Variants in CALN1 observed in about 807,000 individuals in gnomAD.
CALN1 encodes the protein calcium-binding protein 8.
CALN1 carries 17 observed loss-of-function variants against 30.6 expected under a neutral mutation model. The observed-to-expected ratio is 0.56, with a 90% CI of 0.38 to 0.83. CALN1 has a LOEUF of 0.83. Ranked by LOEUF, CALN1 falls within the 40% of genes least tolerant of loss-of-function variation. The pLI, the probability that CALN1 is intolerant of heterozygous loss-of-function variation, is 0.00. For synonymous variants in CALN1, 156 were observed against 131.4 expected, an observed-to-expected ratio of 1.19 and a Z score of -1.28; for missense variants, 291 against 354.9, an observed-to-expected ratio of 0.82 and a Z score of 1.45.
intron 2 of CALN1, among the ~76,000 whole-genome samples, chr7:72,392,673 C>T (rs1805651448): frequency 6.6e-6 from 1 of 152,134 alleles, no homozygotes; most frequent in African/African-American, 2.4e-5. Flanking sequence ...GGAGCAAAAT[C>T]CTCAAATTAA....
chr7:72,069,039 G>T (rs1213497085), intron 4 of CALN1, among the ~76,000 whole-genome samples: 1 of 152,236 alleles, frequency 6.6e-6, no homozygotes, highest in Non-Finnish European at 1.5e-5. Context: ...AACTGCTTTT[G>T]AGTACAATGA....
chr7:72,253,500 A>G (rs1795702681), intron 3 of CALN1, among the ~76,000 whole-genome samples: 1 of 152,362 alleles, frequency 6.6e-6, no homozygotes, highest in African/African-American at 2.4e-5. Flanking sequence ...AAAACTTACA[A>G]TCATGGCTGA....
In CALN1 at chr7:72,017,709, A is replaced by G. The variant is rs530105032; in HGVS notation, c.501+5948T>C. Among the ~76,000 whole-genome samples, 5 of 152,326 alleles carry G rather than the reference A, an allele frequency of 3.3e-5. No individual in the cohort carries two copies. In the East Asian group the frequency reaches 9.7e-4, roughly 29 times the overall value. On this transcript the variant is annotated intron_variant, in intron 5 of 6. Coordinates refer to ENST00000395275, the MANE Select transcript of CALN1 (RefSeq NM_031468.4). The stretch of plus-strand genomic sequence containing the variant: ...CCAATGAGCAGATCTATTTGCTCAC[A>G]AACTGTGAATATTTCATTTCTTAAA...
intron 5 of CALN1, among the ~76,000 whole-genome samples, chr7:71,988,056 G>A (rs1798765332): frequency 6.6e-6 from 1 of 151,880 alleles, no homozygotes; most frequent in South Asian, 2.1e-4. Flanking sequence ...TCTGCAGCAA[G>A]AGACAATGTC....
At chr7:71,910,560 T>G (rs1429257900) in intron 5 of CALN1, among the ~76,000 whole-genome samples, 2 of 152,132 alleles carry the variant, frequency 1.3e-5, no homozygotes, top group African/African-American at 4.8e-5. Context: ...TCAAATCCAC[T>G]GAAGCCATGT....
chr7:72,082,406 C>T (rs957843979), intron 4 of CALN1, among the ~76,000 whole-genome samples: 8 of 152,120 alleles, frequency 5.3e-5, no homozygotes, highest in East Asian at 3.9e-4. Context: ...GCAGTTAGTA[C>T]GGTGAAGGTT....
intron 5 of CALN1, among the ~76,000 whole-genome samples, chr7:71,929,958 T>A (rs748080078): frequency 2.0e-5 from 3 of 152,234 alleles, no homozygotes; most frequent in Non-Finnish European, 4.4e-5. Flanking sequence ...AATCCACGGC[T>A]GCTCAAGCAT....
At chr7:71,964,631 C>T (rs1797440805) in intron 5 of CALN1, among the ~76,000 whole-genome samples, 2 of 151,692 alleles carry the variant, frequency 1.3e-5, no homozygotes, top group Admixed American at 1.3e-4. Flanking sequence ...CACTGCACTC[C>T]AGCCTGGCAA....
chr7:72,329,601 A>G (rs867538555), intron 2 of CALN1, among the ~76,000 whole-genome samples: 2 of 152,002 alleles, frequency 1.3e-5, no homozygotes, highest in South Asian at 4.2e-4. Context: ...TTCCGCAGAT[A>G]TTTCCCCACT....
chr7:72,231,031 T>C (rs187581463), intron 3 of CALN1, among the ~76,000 whole-genome samples: 15 of 152,276 alleles, frequency 9.9e-5, no homozygotes, highest in Non-Finnish European at 1.6e-4. Context: ...CGTGCCTTTG[T>C]GTAGCCTAGC....
chr7:72,248,881 G>A (rs1272938390), intron 3 of CALN1, among the ~76,000 whole-genome samples: 1 of 151,706 alleles, frequency 6.6e-6, no homozygotes, highest in African/African-American at 2.4e-5. Context: ...GTCTATAATC[G>A]ATCATGTTTT....
chr7:72,501,493 AGGAAGGAT>A, the CALN1 span, among the ~76,000 whole-genome samples: 252 of 140,272 alleles, frequency 1.8e-3, no homozygotes, highest in African/African-American at 6.2e-3. Flanking sequence ...GAGGGAAGGA[AGGAAGGAT>A]GGAAGGAAGG....
chr7:72,232,400 T>C (rs1005846252), intron 3 of CALN1, among the ~76,000 whole-genome samples: 1 of 152,148 alleles, frequency 6.6e-6, no homozygotes, highest in East Asian at 1.9e-4. Context: ...AAATAAGAGA[T>C]GGTTAAATAA....
At chr7:71,866,020 T>C (rs1791565023) in intron 5 of CALN1, among the ~76,000 whole-genome samples, 1 of 152,114 alleles carries the variant, frequency 6.6e-6, no homozygotes, top group Non-Finnish European at 1.5e-5. Context: ...TTTCTTTTTT[T>C]TTTGAGACAG....
chr7:72,105,796 A>AGGGAGGGAGGAGGAGGAGG (rs1807057024), intron 4 of CALN1, among the ~76,000 whole-genome samples: 1 of 92,108 alleles, frequency 1.1e-5, no homozygotes, highest in African/African-American at 4.1e-5. Context: ...GGGGGGAGGG[A>AGGGAGGGAGGAGGAGGAGG]GGGAGGGAGG....
chr7:72,022,590 C>T (rs569091309), intron 5 of CALN1, among the ~76,000 whole-genome samples: 52 of 152,074 alleles, frequency 3.4e-4, no homozygotes, highest in Non-Finnish European at 5.4e-4. Context: ...GACGGGATCT[C>T]GCTATGTTAC....
intron 3 of CALN1, among the ~76,000 whole-genome samples, chr7:72,140,422 A>G (rs1346467521): frequency 6.6e-6 from 1 of 151,840 alleles, no homozygotes; most frequent in African/African-American, 2.4e-5. Context: ...AGCCAGAACC[A>G]GAGTCCCACC....
intron 5 of CALN1, among the ~76,000 whole-genome samples, chr7:71,954,010 G>C (rs1365493495): frequency 6.6e-6 from 1 of 152,218 alleles, no homozygotes; most frequent in Non-Finnish European, 1.5e-5. Context: ...CAACTGCAAT[G>C]AATTCACTAT....
chr7:72,311,271 T>A (rs1319347607), intron 2 of CALN1, among the ~76,000 whole-genome samples: 1 of 152,166 alleles, frequency 6.6e-6, no homozygotes, highest in Non-Finnish European at 1.5e-5. Context: ...TTATTTTACT[T>A]TACTGTAAGA....
Sources: gnomAD v4.1 joint callset for allele counts (sites outside exome capture counted in the v4.1 genomes callset) on GRCh38, gnomAD v4.1.1 for gene constraint, MANE v1.5 for transcripts, NCBI Gene and HGNC (gene_info 2026-07-23, HGNC 2026-07-21) for gene names.